Variants in HTN3 observed in about 807,000 individuals in gnomAD.
The protein encoded by HTN3 is histatin-3.
Under a neutral mutation model 10.6 loss-of-function variants are expected in HTN3, and 15 were observed. The ratio of observed to expected loss-of-function variants is 1.42; its 90% CI spans 0.95 to 2.18. The LOEUF (loss-of-function observed/expected upper bound fraction) is 2.18. Ranked by LOEUF, HTN3 falls within the 30% of genes most tolerant of loss-of-function variation. The pLI, the probability that HTN3 is intolerant of heterozygous loss-of-function variation, is 0.00. For synonymous variants in HTN3, 15 were observed against 16.9 expected (o/e 0.89, Z 0.27); for missense variants, 68 against 58.0 (o/e 1.17, Z -0.56).
chr4:70,035,799 A>C (rs1269077922), intron 5 of HTN3, among the ~76,000 whole-genome samples: 1 of 152,236 alleles, frequency 6.6e-6, no homozygotes, highest in Non-Finnish European at 1.5e-5. Context: ...AAATTGAAAT[A>C]GTTCAAAAGA....
intron 5 of HTN3, chr4:70,034,440 A>G (rs1725460636): frequency 6.6e-6 from 1 of 152,258 alleles, no homozygotes; most frequent in South Asian, 2.1e-4. Flanking sequence ...TATGTGGCCA[A>G]CAAACATGAA....
At chr4:70,033,301 AG>A in intron 5 of HTN3, 48 bp downstream of exon 5, 1 of 843,722 alleles carries the variant, frequency 1.2e-6, no homozygotes, top group South Asian at 1.6e-5. Context: ...CAACACTGAC[AG>A]TTAAAACAAG....
At position 70,032,187 on chromosome 4, in the gene HTN3, A is replaced by G. The variant is rs534081851; in HGVS notation, c.102+80A>G. On this transcript the variant is annotated intron_variant, in intron 4 of 5. Coordinates refer to ENST00000673563, the MANE Select transcript of HTN3 (RefSeq NM_000200.3). Reference sequence around the variant, plus strand: ...TATTCTCCTAGAATAATTGATAGTTATCTCTCAAATATATTTATATCATTA... The same window carrying G: ...TATTCTCCTAGAATAATTGATAGTTGTCTCTCAAATATATTTATATCATTA... 1.5e-4 allele frequency: 139 copies of G among 899,630 alleles called. 2 individuals are homozygous for G. In the South Asian group the frequency reaches 2.0e-3, roughly 13 times the overall value. The allele number at this position is 899,630 out of a possible 1,614,324, so 55.7% of individuals were successfully genotyped here. A position where few individuals can be genotyped will look rare whatever the true frequency, so the allele number is the denominator to read the frequency against.
rs376427587 is a variant in HTN3 at position 70,029,407 on chromosome 4, A to G, written c.-14+891A>G. On this transcript the variant is annotated intron_variant, in intron 1 of 5. Coordinates refer to ENST00000673563, the MANE Select transcript of HTN3 (RefSeq NM_000200.3). The stretch of plus-strand genomic sequence containing the variant: ...AATGAGTGAAGCAAAATGAATGAAG[A>G]AATAATAAGGCAAATGGGTTCTGCT... Among the ~76,000 whole-genome samples, 29 of 152,192 alleles carry G rather than the reference A, an allele frequency of 1.9e-4. No individual in the cohort carries two copies. The East Asian group carries it at 4.6e-3, about 24-fold the overall frequency.
chr4:70,033,250 G>T lies in HTN3; in HGVS notation c.*30G>T. On this transcript the variant is annotated 3_prime_UTR_variant, in exon 5 of 6. Coordinates refer to ENST00000673563, the MANE Select transcript of HTN3 (RefSeq NM_000200.3). ...TTCAGTAATCACGGGGCATGATTAT[G>T]GAGGTAAGCTGACTCTAGTTACTTT... 1.5e-6 allele frequency: 2 copies of T among 1,374,714 alleles called. No homozygotes were observed. The highest frequency in any genetic ancestry group is 1.2e-5 in the South Asian group (1 of 81,596). The allele number at this position is 1,374,714 out of a possible 1,614,324, so 85.2% of individuals were successfully genotyped here.
chr4:70,034,879 T>C (rs11722332), intron 5 of HTN3, among the ~76,000 whole-genome samples: 78,451 of 152,082 alleles, frequency 0.52, 21,005 homozygotes, highest in East Asian at 0.64. Context: ...TTAAAAGGAA[T>C]GAGATCCTGT....
intron 5 of HTN3, among the ~76,000 whole-genome samples, 179 bp from the exon 6 acceptor site, chr4:70,036,088 A>G (rs1725511051): frequency 6.6e-6 from 1 of 152,276 alleles, no homozygotes; most frequent in African/African-American, 2.4e-5. Flanking sequence ...TTATTCTGAT[A>G]CCCACTTAAT....
At chr4:70,030,926 G>A in intron 2 of HTN3, 135 bp downstream of exon 2, 1 of 694,808 alleles carries the variant, frequency 1.4e-6, no homozygotes, top group Non-Finnish European at 2.4e-6. Flanking sequence ...GATTTTCCTT[G>A]AATTAACCTA....
intron 5 of HTN3, chr4:70,033,474 C>T (rs1180563552): frequency 1.6e-5 from 6 of 363,926 alleles, no homozygotes; most frequent in Non-Finnish European, 2.5e-5. Context: ...GTCTATATGT[C>T]TGTTTTGGTA....
rs10007523 is a variant in HTN3 at position 70,029,260 on chromosome 4, C to T, written c.-14+744C>T. On this transcript the variant is annotated intron_variant, in intron 1 of 5. Coordinates refer to ENST00000673563, the MANE Select transcript of HTN3 (RefSeq NM_000200.3). Reference sequence around the variant, plus strand: ...CAACACAATTGACAGTCACAAACAACGGTAAAATTGTCTTTTTATATCATA... The same window carrying T: ...CAACACAATTGACAGTCACAAACAATGGTAAAATTGTCTTTTTATATCATA... Among the ~76,000 whole-genome samples, 1,464 of 151,900 alleles carry T rather than the reference C, an allele frequency of 9.6e-3. 30 individuals carry two copies. The highest frequency in any genetic ancestry group is 0.032 in the African/African-American group (1,340 of 41,460).
chr4:70,031,873 G>A (rs2109708005), intron 2 of HTN3, 106 bp from the exon 3 acceptor site: 1 of 749,116 alleles, frequency 1.3e-6, no homozygotes, highest in Non-Finnish European at 2.3e-6. Context: ...TCCAAAGAAT[G>A]CCTCCATTCT....
intron 4 of HTN3, among the ~76,000 whole-genome samples, chr4:70,032,772 A>G (rs943055230): frequency 1.3e-5 from 2 of 152,072 alleles, no homozygotes; most frequent in Non-Finnish European, 2.9e-5. Context: ...TAAGCTCATT[A>G]AAAGAATAAG....
At chr4:70,035,781 A>G (rs1725500694) in intron 5 of HTN3, among the ~76,000 whole-genome samples, 1 of 152,242 alleles carries the variant, frequency 6.6e-6, no homozygotes, top group East Asian at 1.9e-4. Flanking sequence ...GTACTGTTCT[A>G]CAATTCAAAA....
intron 5 of HTN3, among the ~76,000 whole-genome samples, chr4:70,035,764 TA>T: frequency 6.6e-6 from 1 of 152,312 alleles, no homozygotes; most frequent in East Asian, 1.9e-4. Context: ...ATTTTGGAGA[TA>T]AAAGAGTACT....
In HTN3 at chr4:70,033,236, C is replaced by T. The variant is rs1136515; in HGVS notation, c.*16C>T. On this transcript the variant is annotated 3_prime_UTR_variant, in exon 5 of 6. Transcript: ENST00000673563. ...TGACAATTGATATCTTCAGTAATCA[C>T]GGGGCATGATTATGGAGGTAAGCTG... The T allele has an allele frequency of 0.55, 841,097 of 1,517,178 alleles. 237,394 individuals carry two copies. The highest frequency in any genetic ancestry group is 0.64 in the East Asian group (28,082 of 43,722). The allele number at this position is 1,517,178 out of a possible 1,614,324, so 94.0% of individuals were successfully genotyped here. A position where few individuals can be genotyped will look rare whatever the true frequency, so the allele number is the denominator to read the frequency against.
At position 70,030,700 on chromosome 4, in the gene HTN3, T is replaced by C. The variant is rs376561105; in HGVS notation, c.-13-28T>C. 5.6e-5 allele frequency: 80 copies of C among 1,421,026 alleles called. No homozygotes were observed. The African/African-American group carries it at 8.9e-4, about 16-fold the overall frequency. The allele number at this position is 1,421,026 out of a possible 1,614,324, so 88.0% of individuals were successfully genotyped here. ...GAATGAATGCATGAAAGAATGTGAT[T>C]ACTGATTTTTCATGTTTGATTTTAT... On this transcript the variant is annotated intron_variant, in intron 1 of 5. Transcript: ENST00000673563.
At chr4:70,030,563 C>T (rs73826051) in intron 1 of HTN3, among the ~76,000 whole-genome samples, 165 bp from the exon 2 acceptor site, 1 of 152,128 alleles carries the variant, frequency 6.6e-6, no homozygotes, top group East Asian at 1.9e-4. Flanking sequence ...ATGGCTTGAG[C>T]CCAGGTGGTC....
chr4:70,032,532 C>A (rs1725408961), intron 4 of HTN3, among the ~76,000 whole-genome samples: 1 of 151,846 alleles, frequency 6.6e-6, no homozygotes, highest in Non-Finnish European at 1.5e-5. Context: ...ACTTACTGTG[C>A]TAAATTAGAC....
chr4:70,031,803 T>C (rs1433964710), intron 2 of HTN3, among the ~76,000 whole-genome samples, 176 bp from the exon 3 acceptor site: 1 of 152,052 alleles, frequency 6.6e-6, no homozygotes, highest in Non-Finnish European at 1.5e-5. Context: ...TAGAGAAGTT[T>C]ACCCTTCACT....
Sources: allele counts gnomAD v4.1 joint callset (sites outside exome capture counted in the v4.1 genomes callset), GRCh38; gene constraint gnomAD v4.1.1; transcripts MANE v1.5; gene names NCBI Gene and HGNC (gene_info 2026-07-23, HGNC 2026-07-21).